The following ARHGAP10 variants were observed in gnomAD, a reference collection of about 807,000 sequenced individuals.
ARHGAP10 encodes the protein Rho GTPase activating protein 10.
A neutral mutation model predicts 108.6 loss-of-function variants in ARHGAP10; 87 were observed. That is an observed-to-expected ratio of 0.80 (90% CI 0.67 to 0.96). The LOEUF is 0.96. ARHGAP10 is among the 40% of genes least tolerant of loss of function. ARHGAP10 has a pLI of 0.00. For synonymous variants in ARHGAP10, 347 were observed against 341.1 expected, an observed-to-expected ratio of 1.02 and a Z score of -0.19; for missense variants, 939 against 954.5, an observed-to-expected ratio of 0.98 and a Z score of 0.21.
chr4:147,881,942 T>C lies in ARHGAP10; in HGVS notation c.1034+10T>C. On this transcript the variant is annotated intron_variant, in intron 10 of 22. Coordinates refer to ENST00000336498, the MANE Select transcript of ARHGAP10 (RefSeq NM_024605.4). ...TAGAAGCTGCTGATCGGTAAGTTAT[T>C]GGAATTATTGGACATGGTGAAAGAG... 1 of 1,611,122 alleles carries C rather than the reference T, an allele frequency of 6.2e-7. No individual in the cohort carries two copies.
intron 19 of ARHGAP10, among the ~76,000 whole-genome samples, chr4:148,035,331 A>G (rs1326036920): frequency 6.6e-6 from 1 of 152,162 alleles, no homozygotes; most frequent in Admixed American, 6.5e-5. Flanking sequence ...TTAATGTGAC[A>G]TTTTAATTTA....
At chr4:148,016,205 T>C (rs1256265884) in intron 18 of ARHGAP10, among the ~76,000 whole-genome samples, 1 of 152,148 alleles carries the variant, frequency 6.6e-6, no homozygotes, top group Non-Finnish European at 1.5e-5. Flanking sequence ...AACATCTTTT[T>C]AAAAAAGAAT....
intron 7 of ARHGAP10, among the ~76,000 whole-genome samples, chr4:147,871,618 T>C (rs896538910): frequency 6.6e-6 from 1 of 152,158 alleles, no homozygotes; most frequent in African/African-American, 2.4e-5. Flanking sequence ...GTATAGATTA[T>C]TGTGAGGATT....
chr4:147,839,238 C>A (rs1231797463), intron 3 of ARHGAP10, among the ~76,000 whole-genome samples: 1 of 152,078 alleles, frequency 6.6e-6, no homozygotes, highest in Non-Finnish European at 1.5e-5. Context: ...TGAATGGTTT[C>A]TTTGCTGCTA....
chr4:147,814,507 G>A (rs1222300021), intron 1 of ARHGAP10, among the ~76,000 whole-genome samples: 2 of 152,068 alleles, frequency 1.3e-5, no homozygotes, highest in African/African-American at 4.8e-5. Flanking sequence ...ACTAATATTT[G>A]CTTTGGGCCC....
rs574933841 is a variant in ARHGAP10 at position 148,007,445 on chromosome 4, A to T, written c.1717-15818A>T. On this transcript the variant is annotated intron_variant, in intron 18 of 22. Coordinates refer to ENST00000336498, the MANE Select transcript of ARHGAP10 (RefSeq NM_024605.4). The stretch of plus-strand genomic sequence containing the variant: ...GAGTGTGACAGGTCAGCTTGACAGG[A>T]TTGCTCAGTAGCGAGAAGTATGAGT... Among the ~76,000 whole-genome samples, 354 of 152,276 alleles carry T rather than the reference A, an allele frequency of 2.3e-3. 2 individuals are homozygous for T. The highest frequency in any genetic ancestry group is 4.0e-3 in the Non-Finnish European group (272 of 68,016).
intron 15 of ARHGAP10, among the ~76,000 whole-genome samples, chr4:147,948,527 G>A (rs985804313): frequency 6.6e-6 from 1 of 152,082 alleles, no homozygotes; most frequent in Non-Finnish European, 1.5e-5. Context: ...GCATTTATTT[G>A]TTGATGAACC....
intron 18 of ARHGAP10, among the ~76,000 whole-genome samples, chr4:148,000,175 G>A (rs1366477118): frequency 1.3e-5 from 2 of 152,056 alleles, no homozygotes; most frequent in African/African-American, 4.8e-5. Context: ...AACATGTGGT[G>A]GTTGGTTTTT....
At chr4:147,840,087 GCCAGCTTTCTC>G (rs1733351268) in intron 3 of ARHGAP10, among the ~76,000 whole-genome samples, 1 of 152,050 alleles carries the variant, frequency 6.6e-6, no homozygotes, top group Admixed American at 6.5e-5. Flanking sequence ...TGTCCTCTTG[GCCAGCTTTCTC>G]CCAGTGCAGG....
intron 4 of ARHGAP10, chr4:147,854,572 A>G (rs1010922456): frequency 1.1e-5 from 4 of 358,380 alleles, no homozygotes; most frequent in African/African-American, 6.7e-5. Context: ...ACGCTGTTAC[A>G]TTTATATATT....
chr4:147,858,752 G>C (rs1411872236), intron 5 of ARHGAP10, among the ~76,000 whole-genome samples: 1 of 152,126 alleles, frequency 6.6e-6, no homozygotes, highest in African/African-American at 2.4e-5. Context: ...CTTTATGCTA[G>C]CAGTTCTCTA....
At position 147,942,663 on chromosome 4, in the gene ARHGAP10, C is replaced by G. The variant is rs1334230171; in HGVS notation, c.1303+2764C>G. Among the ~76,000 whole-genome samples the G allele has an allele frequency of 2.0e-5, 3 of 152,138 alleles. No homozygotes were observed. In the East Asian group the frequency reaches 5.8e-4, roughly 29 times the overall value. On this transcript the variant is annotated intron_variant, in intron 14 of 22. Transcript: ENST00000336498. Reference sequence around the variant, plus strand: ...TCTTTCCTTCTCCCCTAATTCCCAGCTGGCATGAAATAGCAATGACATTGA... The same window carrying G: ...TCTTTCCTTCTCCCCTAATTCCCAGGTGGCATGAAATAGCAATGACATTGA...
chr4:148,010,933 A>G (rs567053386), intron 18 of ARHGAP10, among the ~76,000 whole-genome samples: 1 of 152,348 alleles, frequency 6.6e-6, no homozygotes, highest in East Asian at 1.9e-4. Flanking sequence ...TATATTTAAT[A>G]ATTGCCATGC....
At chr4:148,012,842 A>G (rs1283748053) in intron 18 of ARHGAP10, among the ~76,000 whole-genome samples, 6 of 152,014 alleles carry the variant, frequency 3.9e-5, no homozygotes, top group African/African-American at 1.4e-4. Context: ...AAAATGTTTT[A>G]AGAAAAGAAA....
At chr4:147,889,396 T>C (rs549974893) in intron 10 of ARHGAP10, among the ~76,000 whole-genome samples, 1 of 152,188 alleles carries the variant, frequency 6.6e-6, no homozygotes, top group African/African-American at 2.4e-5. Flanking sequence ...GCCTCCCAGG[T>C]TTGAGTGATT....
chr4:147,842,248 T>C (rs1019180938), intron 3 of ARHGAP10, among the ~76,000 whole-genome samples: 22 of 152,300 alleles, frequency 1.4e-4, no homozygotes, highest in Middle Eastern at 3.4e-3. Flanking sequence ...GAAACCCTTA[T>C]ATTCTTTTTC....
At chr4:147,772,241 T>C (rs1730112024) in intron 1 of ARHGAP10, among the ~76,000 whole-genome samples, 1 of 152,240 alleles carries the variant, frequency 6.6e-6, no homozygotes, top group Non-Finnish European at 1.5e-5. Flanking sequence ...CTGAGACTTC[T>C]CTAGATAAGA....
At chr4:147,827,428 C>G (rs1732756620) in intron 3 of ARHGAP10, among the ~76,000 whole-genome samples, 1 of 152,110 alleles carries the variant, frequency 6.6e-6, no homozygotes, top group Non-Finnish European at 1.5e-5. Context: ...AGTGCGCCAG[C>G]AAAGATAATG....
intron 20 of ARHGAP10, among the ~76,000 whole-genome samples, chr4:148,057,621 T>C (rs971680712): frequency 1.3e-5 from 2 of 152,230 alleles, no homozygotes; most frequent in Admixed American, 1.3e-4. Flanking sequence ...ATGTTGACTA[T>C]GGTAGCATCA....
Sources: gnomAD v4.1 joint callset for allele counts (sites outside exome capture counted in the v4.1 genomes callset) on GRCh38, gnomAD v4.1.1 for gene constraint, MANE v1.5 for transcripts, NCBI Gene and HGNC (gene_info 2026-07-23, HGNC 2026-07-21) for gene names.